ATXN8OS: variants seen among roughly 807,000 people sequenced by gnomAD.
ATXN8OS encodes ATXN8 opposite strand (non-protein coding).
chr13:70,166,462 A>G (rs1373184529), intron 4 of ATXN8OS, among the ~76,000 whole-genome samples: 1 of 152,074 alleles, frequency 6.6e-6, no homozygotes, highest in Non-Finnish European at 1.5e-5. Flanking sequence ...GGCTAGCCAT[A>G]TGTAGAAAGC....
At chr13:70,164,231 C>A (rs2498507) in intron 4 of ATXN8OS, among the ~76,000 whole-genome samples, 140,237 of 151,106 alleles carry the variant, frequency 0.93, 65,620 homozygotes, top group East Asian at 0.99. Context: ...CCCAAGGTTA[C>A]CTTTTTTTTG....
At chr13:70,143,954 G>A (rs971432177) in intron 3 of ATXN8OS, among the ~76,000 whole-genome samples, 1 of 151,938 alleles carries the variant, frequency 6.6e-6, no homozygotes, top group African/African-American at 2.4e-5. Context: ...TTTATGTATA[G>A]CCAAAGCGGT....
chr13:70,159,371 G>C (rs941328047), intron 4 of ATXN8OS, among the ~76,000 whole-genome samples: 1 of 151,804 alleles, frequency 6.6e-6, no homozygotes, highest in African/African-American at 2.4e-5. Context: ...TTCCTATACT[G>C]TTGAGGACCT....
intron 4 of ATXN8OS, among the ~76,000 whole-genome samples, chr13:70,149,456 CA>C (rs1362907742): frequency 2.0e-5 from 3 of 151,974 alleles, no homozygotes; most frequent in African/African-American, 4.8e-5. Context: ...GAGGTGTTAA[CA>C]GAAATTAATT....
chr13:70,151,501 A>T (rs1167277599), intron 4 of ATXN8OS, among the ~76,000 whole-genome samples: 2 of 152,126 alleles, frequency 1.3e-5, no homozygotes, highest in Non-Finnish European at 2.9e-5. Flanking sequence ...TGTATAGAGA[A>T]GAAGGAAGTA....
At chr13:70,166,179 T>C (rs566710928) in intron 4 of ATXN8OS, among the ~76,000 whole-genome samples, 4 of 152,092 alleles carry the variant, frequency 2.6e-5, no homozygotes, top group Middle Eastern at 3.4e-3. Flanking sequence ...GTAGTTCATA[T>C]GGAACCAAAA....
chr13:70,141,617 T>C (rs568691392), intron 3 of ATXN8OS, among the ~76,000 whole-genome samples: 119 of 152,168 alleles, frequency 7.8e-4, no homozygotes, highest in African/African-American at 2.7e-3. Flanking sequence ...TGTGTGTGTG[T>C]ACGTATATAT....
intron 2 of ATXN8OS, among the ~76,000 whole-genome samples, chr13:70,119,970 T>C (rs1160278043): frequency 6.6e-6 from 1 of 152,106 alleles, no homozygotes; most frequent in African/African-American, 2.4e-5. Flanking sequence ...TTGGAATATG[T>C]ATATTTAACC....
chr13:70,161,608 G>T (rs1004016129), intron 4 of ATXN8OS, among the ~76,000 whole-genome samples: 2 of 151,978 alleles, frequency 1.3e-5, no homozygotes, highest in African/African-American at 4.8e-5. Flanking sequence ...CTCCAAAGTA[G>T]ATATCATTGC....
intron 4 of ATXN8OS, among the ~76,000 whole-genome samples, chr13:70,169,457 C>T (rs1473392071): frequency 8.6e-5 from 13 of 151,936 alleles, no homozygotes; most frequent in Admixed American, 8.5e-4. Context: ...CCACCGCCCC[C>T]AGTAATTTTT....
rs569396846 is a variant in ATXN8OS at position 70,108,166 on chromosome 13, C to A, written n.240+147C>A. 75 of 399,858 alleles carry A rather than the reference C, an allele frequency of 1.9e-4. 1 individual carries two copies. The Admixed American group carries it at 2.7e-3, about 14-fold the overall frequency. The allele number at this position is 399,858 out of a possible 1,614,324, so 24.8% of individuals were successfully genotyped here. A position where few individuals can be genotyped will look rare whatever the true frequency, so the allele number is the denominator to read the frequency against. On this transcript the variant is annotated intron_variant and non_coding_transcript_variant, in intron 1 of 4. Transcript: ENST00000678624. Reference sequence around the variant, plus strand: ...GAAGGTGGTGGCGTTCTTGTCCTTGCAGCTCAGAGTTCAGTGTCTGGAGAG... The same window carrying A: ...GAAGGTGGTGGCGTTCTTGTCCTTGAAGCTCAGAGTTCAGTGTCTGGAGAG...
chr13:70,108,987 G>A (rs1002761420), intron 1 of ATXN8OS, among the ~76,000 whole-genome samples: 2 of 152,196 alleles, frequency 1.3e-5, no homozygotes, highest in Admixed American at 6.5e-5. Flanking sequence ...CACGGGGGAC[G>A]GGTTTTGCGA....
At chr13:70,148,989 A>G (rs1255750029) in intron 4 of ATXN8OS, among the ~76,000 whole-genome samples, 3 of 152,172 alleles carry the variant, frequency 2.0e-5, no homozygotes, top group Non-Finnish European at 4.4e-5. Flanking sequence ...CTCAACTAAT[A>G]AAAGAATGAA....
chr13:70,164,226 G>A (rs755836704), intron 4 of ATXN8OS, among the ~76,000 whole-genome samples: 1 of 150,810 alleles, frequency 6.6e-6, no homozygotes, highest in Non-Finnish European at 1.5e-5. Context: ...GGTTTCCCAA[G>A]GTTACCTTTT....
intron 4 of ATXN8OS, among the ~76,000 whole-genome samples, chr13:70,169,487 G>T (rs1032995696): frequency 1.2e-4 from 18 of 151,876 alleles, no homozygotes; most frequent in African/African-American, 4.4e-4. Context: ...GTAGAGACGG[G>T]GTTTCACCAT....
intron 2 of ATXN8OS, among the ~76,000 whole-genome samples, chr13:70,124,832 G>T (rs1289378447): frequency 6.6e-6 from 1 of 151,130 alleles, no homozygotes; most frequent in Non-Finnish European, 1.5e-5. Context: ...ATATATAATT[G>T]CTTGCATAGC....
chr13:70,150,902 C>T (rs1187712631), intron 4 of ATXN8OS, among the ~76,000 whole-genome samples: 1 of 152,054 alleles, frequency 6.6e-6, no homozygotes, highest in Non-Finnish European at 1.5e-5. Context: ...ATAGAGTTGG[C>T]ATTTTACTAA....
intron 3 of ATXN8OS, among the ~76,000 whole-genome samples, chr13:70,136,131 G>T (rs1013413681): frequency 6.6e-6 from 1 of 152,130 alleles, no homozygotes; most frequent in South Asian, 2.1e-4. Context: ...TTTTGCGGGG[G>T]CAAGTCTGAT....
chr13:70,134,366 T>C (rs997714445), intron 3 of ATXN8OS, among the ~76,000 whole-genome samples: 3 of 152,196 alleles, frequency 2.0e-5, no homozygotes, highest in Admixed American at 6.5e-5. Context: ...GAATGGAACA[T>C]TGATGCCTCA....
Sources: allele counts gnomAD v4.1 joint callset (sites outside exome capture counted in the v4.1 genomes callset), GRCh38; gene constraint gnomAD v4.1.1; transcripts MANE v1.5; gene names NCBI Gene and HGNC (gene_info 2026-07-23, HGNC 2026-07-21).